CRELD1: variants seen among roughly 807,000 people sequenced by gnomAD.
CRELD1 encodes CRELD disulfide isomerase 1.
CRELD1 carries 42 observed loss-of-function variants against 58.2 expected under a neutral mutation model. The observed-to-expected ratio is 0.72, with a 90% confidence interval of 0.56 to 0.93. CRELD1 has a LOEUF of 0.93. Ranked by LOEUF, CRELD1 falls within the 40% of genes least tolerant of loss-of-function variation. The pLI is 0.00. For synonymous variants in CRELD1, 222 were observed against 202.0 expected (o/e 1.10, Z -0.84); for missense variants, 500 against 540.6 (o/e 0.92, Z 0.74).
Position 9,943,434 on chromosome 3 carries a change from A to T in CRELD1, c.967A>T (p.Asn323Tyr). The T allele has an allele frequency of 6.2e-7, 1 of 1,613,994 alleles. No homozygotes were observed. Among genetic ancestry groups the T allele is most frequent in the Admixed American group, 1.7e-5 (1 of 60,008 alleles). Residue 323 changes from asparagine (N) to tyrosine (Y), a missense_variant, in exon 10 of 11, where the codon AAC becomes TAC. By Grantham distance (143) the Asn-to-Tyr change is moderately radical. Transcript: ENST00000452070. ...TCCGGGAGAGAACAAGCAGTGTGAA[A>T]ACACCGAGGGCGGTTATCGCTGCAT... ...VCPGENKQCE[N>Y]TEGGYRCICA...
chr3:9,943,334 C>G (rs746736174), intron 9 of CRELD1, 47 bp from the exon 10 acceptor site: 4 of 1,613,410 alleles, frequency 2.5e-6, no homozygotes, highest in Non-Finnish European at 3.4e-6. Flanking sequence ...AGTCAGGGTG[C>G]TGGGTGGGGG....
At position 9,943,061 on chromosome 3, in the gene CRELD1, T is replaced by G; in HGVS notation, c.818-16T>G. On this transcript the variant is annotated splice_polypyrimidine_tract_variant and intron_variant, in intron 8 of 10. Coordinates refer to ENST00000452070, the MANE Select transcript of CRELD1 (RefSeq NM_001077415.3). Reference sequence around the variant, plus strand: ...TAGGTGCACATCTCACCCTCATCTTTCTCTCCTCTCTCCAGACTGTGCCAA... The same window carrying G: ...TAGGTGCACATCTCACCCTCATCTTGCTCTCCTCTCTCCAGACTGTGCCAA... 1 of 1,612,498 alleles carries G rather than the reference T, an allele frequency of 6.2e-7. No individual in the cohort carries two copies. Among genetic ancestry groups the G allele is most frequent in the Non-Finnish European group, 8.5e-7 (1 of 1,178,826 alleles).
intron 7 of CRELD1, among the ~76,000 whole-genome samples, chr3:9,942,119 A>G (rs187977384): frequency 8.7e-4 from 132 of 151,750 alleles, no homozygotes; most frequent in African/African-American, 3.1e-3. Context: ...AAAATACAAA[A>G]ATTTAGCCAG....
chr3:9,940,715 A>C, intron 5 of CRELD1, 135 bp from the exon 6 acceptor site: 1 of 521,806 alleles, frequency 1.9e-6, no homozygotes. Context: ...GGGGAGAGGG[A>C]GAGGGAAAGG....
At position 9,943,884 on chromosome 3, in the gene CRELD1, T is replaced by C. The variant is rs369128043; in HGVS notation, c.1048+369T>C. 8.9e-5 allele frequency: 144 copies of C among 1,609,436 alleles called. No individual in the cohort carries two copies. Among genetic ancestry groups the C allele is most frequent in the Admixed American group, 1.8e-4 (11 of 60,002 alleles). ...GGGACCATTTCCCCAGCAATTACTG[T>C]GTCAGATGCTGTTCTAGGTGCATTC... On this transcript the variant is annotated intron_variant, in intron 10 of 10. Coordinates refer to ENST00000452070, the MANE Select transcript of CRELD1 (RefSeq NM_001077415.3).
Position 9,941,104 on chromosome 3 carries a change from C to T in CRELD1, c.638-7C>T, listed in dbSNP as rs2085354226. 1 of 1,614,222 alleles carries T rather than the reference C, an allele frequency of 6.2e-7. No individual in the cohort carries two copies. Among genetic ancestry groups the T allele is most frequent in the Admixed American group, 1.7e-5 (1 of 60,030 alleles). On this transcript the variant is annotated splice_region_variant and splice_polypyrimidine_tract_variant and intron_variant, in intron 6 of 10. Coordinates refer to ENST00000452070, the MANE Select transcript of CRELD1 (RefSeq NM_001077415.3). ...GCCCATCCTCATGCTGCCCCCATTC[C>T]ACCCAGCTTGTTTTGGCCCCTGTGC...
intron 5 of CRELD1, among the ~76,000 whole-genome samples, chr3:9,939,630 A>G (rs2085290953): frequency 6.6e-6 from 1 of 152,244 alleles, no homozygotes. Flanking sequence ...CACATGTTTC[A>G]GAGAGCACAG....
rs1260778534 is a variant in CRELD1, at chr3:9,937,605, TCAGACTTCGAGTGCCA to T, written c.303_318del (p.Asp102AlafsTer5). On this transcript the variant is annotated frameshift_variant, in exon 4 of 11. Transcript: ENST00000452070. LOFTEE classifies it high-confidence loss of function. ...GGTGCTGGAGGGTGTGTGCAGCAAG[TCAGACTTCGAGTGCCA>T]CCGCCTGCTGGAGCTGAGTGAGGAG... is the stretch of plus-strand genomic sequence containing the variant. 4.3e-6 allele frequency: 7 copies of T among 1,612,692 alleles called. No homozygotes were observed. In the Admixed American group the frequency reaches 1.2e-4, roughly 27 times the overall value.
rs777339615 is a variant in CRELD1 at position 9,943,069 on chromosome 3, C to T, written c.818-8C>T. ...CATCTCACCCTCATCTTTCTCTCCTCTCTCCAGACTGTGCCAAGGCCTGCC... is the reference window on the plus strand; with the variant it reads ...CATCTCACCCTCATCTTTCTCTCCTTTCTCCAGACTGTGCCAAGGCCTGCC... On this transcript the variant is annotated splice_region_variant and splice_polypyrimidine_tract_variant and intron_variant, in intron 8 of 10. Transcript: ENST00000452070. 3.1e-6 allele frequency: 5 copies of T among 1,613,278 alleles called. No homozygotes were observed. In the African/African-American group the frequency reaches 4.0e-5, roughly 13 times the overall value.
At chr3:9,937,480 C>G (rs886235801) in intron 3 of CRELD1, 82 bp from the exon 4 acceptor site, 4 of 912,162 alleles carry the variant, frequency 4.4e-6, no homozygotes, top group South Asian at 1.4e-5. Context: ...TTTCACCGCA[C>G]GAGGAAGGGT....
chr3:9,934,431 G>A lies in CRELD1; in HGVS notation c.-8G>A. 1 of 1,613,428 alleles carries A rather than the reference G, an allele frequency of 6.2e-7. No individual in the cohort carries two copies. ...CCCTCTATCTGCAGGTCCCCAGCCT[G>A]GGTAAAGATGGCCCCATGGCCCCCG... On this transcript the variant is annotated 5_prime_UTR_variant, in exon 2 of 11. Coordinates refer to ENST00000452070, the MANE Select transcript of CRELD1 (RefSeq NM_001077415.3).
chr3:9,943,318 A>G, intron 9 of CRELD1, 63 bp from the exon 10 acceptor site: 1 of 1,612,912 alleles, frequency 6.2e-7, no homozygotes, highest in Non-Finnish European at 8.5e-7. Context: ...GAGATGGACA[A>G]GATGGAGTCA....
rs1281323969 is a variant in CRELD1 at position 9,940,958 on chromosome 3, A to G, written c.569A>G (p.Glu190Gly). 1.9e-6 allele frequency: 3 copies of G among 1,614,126 alleles called. No homozygotes were observed. Among genetic ancestry groups the G allele is most frequent in the East Asian group, 2.2e-5 (1 of 44,864 alleles). ...HCDCQAGYGG[E>G]ACGQCGLGYF... is the part of the protein sequence containing the mutation. ...GACTGCCAAGCCGGCTACGGGGGTGAGGCCTGTGGCCAGTGTGGCCTTGGC... is the reference window on the plus strand; with the variant it reads ...GACTGCCAAGCCGGCTACGGGGGTGGGGCCTGTGGCCAGTGTGGCCTTGGC... The change falls in exon 6 of 11, where the codon GAG becomes GGG. Residue 190 changes from glutamate to glycine, a missense_variant. Transcript: ENST00000452070.
intron 10 of CRELD1, chr3:9,943,725 TGGCA>T: frequency 1.0e-6 from 1 of 985,412 alleles, no homozygotes; most frequent in South Asian, 4.7e-5. Context: ...GAATCAGACC[TGGCA>T]TCAAATCAGT....
chr3:9,941,319 T>C (rs2085360141), intron 7 of CRELD1, 113 bp downstream of exon 7: 2 of 904,664 alleles, frequency 2.2e-6, no homozygotes, highest in Non-Finnish European at 3.3e-6. Context: ...TTCATGGAGA[T>C]CTCAACCTGG....
chr3:9,943,722 A>C, intron 10 of CRELD1: 1 of 985,384 alleles, frequency 1.0e-6, no homozygotes, highest in Non-Finnish European at 1.2e-6. Context: ...AGGGAATCAG[A>C]CCTGGCATCA....
At chr3:9,936,604 C>T (rs1215736047) in intron 3 of CRELD1, among the ~76,000 whole-genome samples, 1 of 151,548 alleles carries the variant, frequency 6.6e-6, no homozygotes, top group Non-Finnish European at 1.5e-5. Context: ...TAAAAAATTT[C>T]CCATTAAAGA....
intron 3 of CRELD1, chr3:9,935,211 T>A: frequency 2.8e-6 from 1 of 361,780 alleles, no homozygotes; most frequent in Non-Finnish European, 5.2e-6. Flanking sequence ...AGGTTTGGCA[T>A]TTGAACAGAG....
intron 5 of CRELD1, among the ~76,000 whole-genome samples, chr3:9,939,984 G>A (rs1320626989): frequency 2.6e-5 from 4 of 151,890 alleles, no homozygotes; most frequent in Admixed American, 1.3e-4. Flanking sequence ...CCTCCCTCCC[G>A]GACGGGCTGG....
Sources: allele counts gnomAD v4.1 joint callset (sites outside exome capture counted in the v4.1 genomes callset), GRCh38; gene constraint gnomAD v4.1.1; transcripts MANE v1.5; gene names NCBI Gene and HGNC (gene_info 2026-07-23, HGNC 2026-07-21).